The following ADARB1 variants were observed in gnomAD, a reference collection of about 807,000 sequenced individuals.
ADARB1 encodes the protein adenosine deaminase RNA specific B1.
In ADARB1, 10 loss-of-function variants were observed where a neutral mutation model predicts 52.4. The observed-to-expected ratio is 0.19, with a 90% confidence interval of 0.12 to 0.32. The LOEUF (loss-of-function observed/expected upper bound fraction) is 0.32. Among genes scored for constraint, ADARB1 ranks in the 10% least tolerant of loss-of-function variants. The pLI is 1.00. For synonymous variants in ADARB1, 349 were observed against 371.1 expected, an observed-to-expected ratio of 0.94 and a Z score of 0.68; for missense variants, 643 against 922.3, an observed-to-expected ratio of 0.70 and a Z score of 3.92.
At chr21:45,205,900 AC>A (rs1219221601) in intron 9 of ADARB1, among the ~76,000 whole-genome samples, 1 of 152,192 alleles carries the variant, frequency 6.6e-6, no homozygotes, top group Non-Finnish European at 1.5e-5. Flanking sequence ...GGCAACTAGC[AC>A]GCCTTTAATT....
chr21:45,116,671 C>T (rs2003273), intron 1 of ADARB1, among the ~76,000 whole-genome samples: 53,575 of 152,078 alleles, frequency 0.35, 9,635 homozygotes, highest in Non-Finnish European at 0.39. Context: ...CATCATTCTT[C>T]ACATGGCAAC....
intron 8 of ADARB1, among the ~76,000 whole-genome samples, chr21:45,191,520 T>C (rs143221929): frequency 2.7e-3 from 417 of 152,300 alleles, no homozygotes; most frequent in Non-Finnish European, 4.6e-3. Context: ...TCAAATGTTT[T>C]ATGTGTGTCT....
intron 2 of ADARB1, among the ~76,000 whole-genome samples, chr21:45,155,513 T>C (rs957083300): frequency 1.3e-5 from 2 of 152,016 alleles, no homozygotes; most frequent in Non-Finnish European, 2.9e-5. Flanking sequence ...CATCTACTCA[T>C]TGTAGTCCAT....
At chr21:45,123,131 A>T (rs1318277564) in intron 1 of ADARB1, among the ~76,000 whole-genome samples, 2 of 152,148 alleles carry the variant, frequency 1.3e-5, no homozygotes, top group Non-Finnish European at 2.9e-5. Context: ...GAACATGGAC[A>T]CATATATAAG....
chr21:45,182,775 G>T (rs756059899), intron 6 of ADARB1, 22 bp downstream of exon 6: 1 of 1,540,526 alleles, frequency 6.5e-7, no homozygotes, highest in Non-Finnish European at 8.7e-7. Flanking sequence ...AAACAAATAA[G>T]GACAGGAAGC....
At chr21:45,219,608 A>G (rs896463325) in intron 9 of ADARB1, among the ~76,000 whole-genome samples, 2 of 152,124 alleles carry the variant, frequency 1.3e-5, no homozygotes, top group Non-Finnish European at 2.9e-5. Context: ...TTCCTTAAGC[A>G]TGCCCCTTAA....
chr21:45,074,741 C>G lies in ADARB1; in HGVS notation c.-272C>G, dbSNP rs1403777865. On this transcript the variant is annotated 5_prime_UTR_variant, in exon 1 of 11. Transcript: ENST00000348831. ...GCGCCGCCCGGCGCGAGACTGCGGC[C>G]GAAGCGTGGGGCGCGCGTGCGGAGG... The G allele has an allele frequency of 6.8e-6, 1 of 146,320 alleles. No individual in the cohort carries two copies. The highest frequency in any genetic ancestry group is 1.5e-5 in the Non-Finnish European group (1 of 65,666). 9.1% of individuals were successfully genotyped at this position (146,320 alleles called of 1,614,324 possible).
chr21:45,107,571 A>G (rs1033926753), intron 1 of ADARB1, among the ~76,000 whole-genome samples: 9 of 152,240 alleles, frequency 5.9e-5, no homozygotes, highest in African/African-American at 2.2e-4. Flanking sequence ...TGATAAAGAT[A>G]GTATCTCAGA....
intron 2 of ADARB1, among the ~76,000 whole-genome samples, chr21:45,158,255 A>T (rs568720986): frequency 2.6e-5 from 4 of 151,818 alleles, no homozygotes; most frequent in East Asian, 1.9e-4. Flanking sequence ...GGAGGGGGGA[A>T]CTCCCTTGTC....
intron 2 of ADARB1, among the ~76,000 whole-genome samples, chr21:45,167,625 C>T (rs1257830706): frequency 6.6e-6 from 1 of 152,030 alleles, no homozygotes; most frequent in Non-Finnish European, 1.5e-5. Context: ...GTGGCACATC[C>T]CTGTAATCCC....
At chr21:45,175,508 G>C (rs2091655455) in intron 3 of ADARB1, among the ~76,000 whole-genome samples, 1 of 152,166 alleles carries the variant, frequency 6.6e-6, no homozygotes, top group Non-Finnish European at 1.5e-5. Flanking sequence ...ACACTAAATA[G>C]AAATGGTATT....
intron 1 of ADARB1, chr21:45,116,789 A>G (rs1463037101): frequency 6.6e-6 from 1 of 152,242 alleles, no homozygotes; most frequent in African/African-American, 2.4e-5. Context: ...AACTGCCCCC[A>G]TGATACAATT....
intron 1 of ADARB1, among the ~76,000 whole-genome samples, chr21:45,117,280 C>T (rs1027709666): frequency 6.6e-6 from 1 of 152,124 alleles, no homozygotes; most frequent in African/African-American, 2.4e-5. Flanking sequence ...CTGGCTTGTC[C>T]TTGTGAAGTT....
intron 1 of ADARB1, among the ~76,000 whole-genome samples, chr21:45,112,751 CT>C (rs1477220772): frequency 6.6e-6 from 1 of 152,074 alleles, no homozygotes; most frequent in Non-Finnish European, 1.5e-5. Flanking sequence ...AACAGGGACA[CT>C]TTTGAGAGTG....
intron 9 of ADARB1, among the ~76,000 whole-genome samples, chr21:45,219,430 A>G (rs2146451312): frequency 6.6e-6 from 1 of 152,336 alleles, no homozygotes; most frequent in South Asian, 2.1e-4. Context: ...AGGCAGAGGC[A>G]GGAGAATCGC....
Position 45,134,689 on chromosome 21 carries a change from A to ATT in ADARB1, c.-48+6133_-48+6134dup, listed in dbSNP as rs11369444. On this transcript the variant is annotated intron_variant, in intron 2 of 10. Transcript: ENST00000348831. ...AATTTGGGGCAAAAGACTTGCACAGATTTTTTTTTTTTTTTTTTACACAAG... is the reference window on the plus strand; with the variant it reads ...AATTTGGGGCAAAAGACTTGCACAGATTTTTTTTTTTTTTTTTTTTACACAAG... The ATT allele has an allele frequency of 8.3e-3, 3,358 of 406,242 alleles. 3 individuals carry two copies. The highest frequency in any genetic ancestry group is 0.011 in the South Asian group (615 of 55,348). The allele number at this position is 406,242 out of a possible 1,614,324, so 25.2% of individuals were successfully genotyped here.
chr21:45,179,790 T>C (rs1034651010), intron 4 of ADARB1, among the ~76,000 whole-genome samples: 2 of 151,930 alleles, frequency 1.3e-5, no homozygotes, highest in African/African-American at 2.4e-5. Flanking sequence ...GTGCACAGCT[T>C]GTGGCTTCCT....
At position 45,191,803 on chromosome 21, in the gene ADARB1, C is replaced by G. The variant is rs191275873; in HGVS notation, c.1565+6712C>G. Among the ~76,000 whole-genome samples, 350 of 144,812 alleles carry G rather than the reference C, an allele frequency of 2.4e-3. 2 individuals are homozygous for G. The highest frequency in any genetic ancestry group is 4.1e-3 in the Non-Finnish European group (273 of 67,004). ...CTTGTTCTACTTTCTGAAGTCTCTT[C>G]TGTGAGACAGCAGTGTATAGAACCC... On this transcript the variant is annotated intron_variant, in intron 8 of 10. Transcript: ENST00000348831.
rs570473405 is a variant in ADARB1 at position 45,081,209 on chromosome 21, TGGA to T, written c.-220+6418_-220+6420del. Among the ~76,000 whole-genome samples the T allele has an allele frequency of 1.2e-4, 18 of 152,174 alleles. No homozygotes were observed. In the South Asian group the frequency reaches 3.1e-3, roughly 26 times the overall value. On this transcript the variant is annotated intron_variant, in intron 1 of 10. Coordinates refer to ENST00000348831, the MANE Select transcript of ADARB1 (RefSeq NM_001112.4). ...TGTGAGTCATCGTGGGAGGATGCGGTGGAGAAGGACAGGGAGGAGGTCTGTGCT... is the reference window on the plus strand; with the variant it reads ...TGTGAGTCATCGTGGGAGGATGCGGTGAAGGACAGGGAGGAGGTCTGTGCT...
Sources: allele counts gnomAD v4.1 joint callset (sites outside exome capture counted in the v4.1 genomes callset), GRCh38; gene constraint gnomAD v4.1.1; transcripts MANE v1.5; gene names NCBI Gene and HGNC (gene_info 2026-07-23, HGNC 2026-07-21).